EZH1: variants seen among roughly 807,000 people sequenced by gnomAD.
The protein encoded by EZH1 is enhancer of zeste 1 polycomb repressive complex 2 subunit.
EZH1 carries 33 observed loss-of-function variants against 100.5 expected under a neutral mutation model. The observed-to-expected ratio is 0.33, with a 90% CI of 0.25 to 0.44. The LOEUF is 0.44. Ranked by LOEUF, EZH1 falls within the 20% of genes least tolerant of loss-of-function variation. EZH1 has a pLI of 1.00. For synonymous variants in EZH1, 272 were observed against 313.8 expected, an observed-to-expected ratio of 0.87 and a Z score of 1.41; for missense variants, 475 against 928.4, an observed-to-expected ratio of 0.51 and a Z score of 6.35.
intron 5 of EZH1, among the ~76,000 whole-genome samples, chr17:42,723,771 A>G (rs780125436): frequency 6.6e-6 from 1 of 152,236 alleles, no homozygotes; most frequent in Non-Finnish European, 1.5e-5. Context: ...TAGTACGGCT[A>G]TCTGTCACCA....
At position 42,720,599 on chromosome 17, in the gene EZH1, T is replaced by C. The variant is rs1472265692; in HGVS notation, c.488-150A>G. The C allele has an allele frequency of 7.9e-6, 5 of 636,478 alleles. 1 individual carries two copies. The South Asian group carries it at 9.4e-5, about 12-fold the overall frequency. The allele number at this position is 636,478 out of a possible 1,614,324, so 39.4% of individuals were successfully genotyped here. A position where few individuals can be genotyped will look rare whatever the true frequency, so the allele number is the denominator to read the frequency against. ...AGATCAGGAAATTACAATCATTTGA[T>C]TGGCTCCTACACATGCAGTGGGCAG... is the stretch of plus-strand genomic sequence containing the variant. On this transcript the variant is annotated intron_variant, in intron 6 of 20. Coordinates refer to ENST00000428826, the MANE Select transcript of EZH1 (RefSeq NM_001991.5).
At chr17:42,704,555 GAAA>G in intron 18 of EZH1, 44 bp downstream of exon 18, 2 of 1,170,084 alleles carry the variant, frequency 1.7e-6, no homozygotes, top group Non-Finnish European at 2.3e-6. Flanking sequence ...CTCAAAAAAA[GAAA>G]AAAAAAAAAG....
At position 42,724,292 on chromosome 17, in the gene EZH1, T is replaced by C. The variant is rs775201430; in HGVS notation, c.366+13A>G. On this transcript the variant is annotated intron_variant, in intron 5 of 20. Coordinates refer to ENST00000428826, the MANE Select transcript of EZH1 (RefSeq NM_001991.5). Reference sequence around the variant, plus strand: ...ACAGTTTAAATAACCACCACAGTGCTTTCAATACATACCATAAAGTTCTGT... The same window carrying C: ...ACAGTTTAAATAACCACCACAGTGCCTTCAATACATACCATAAAGTTCTGT... 2 of 1,613,384 alleles carry C rather than the reference T, an allele frequency of 1.2e-6. No individual in the cohort carries two copies. Among genetic ancestry groups the C allele is most frequent in the East Asian group, 2.2e-5 (1 of 44,844 alleles).
intron 4 of EZH1, among the ~76,000 whole-genome samples, chr17:42,726,686 G>A (rs996957121): frequency 6.6e-6 from 1 of 151,328 alleles, no homozygotes; most frequent in Non-Finnish European, 1.5e-5. Context: ...TAATTTTTTT[G>A]TACTATTAGT....
At chr17:42,714,393 C>A in intron 10 of EZH1, 1 of 331,168 alleles carries the variant, frequency 3.0e-6, no homozygotes, top group South Asian at 3.0e-5. Flanking sequence ...AATTGATTAC[C>A]TTTATACCAA....
At chr17:42,711,876 G>A (rs1409040887) in intron 12 of EZH1, among the ~76,000 whole-genome samples, 5 of 121,344 alleles carry the variant, frequency 4.1e-5, no homozygotes, top group South Asian at 2.8e-4. Flanking sequence ...AGAGGCTGGC[G>A]GAGTGGTGGA....
chr17:42,724,139 C>T (rs1242838377), intron 5 of EZH1, among the ~76,000 whole-genome samples, 166 bp downstream of exon 5: 2 of 152,186 alleles, frequency 1.3e-5, no homozygotes, highest in Non-Finnish European at 2.9e-5. Flanking sequence ...GTTAGAACAA[C>T]TTGCAATATA....
Position 42,708,074 on chromosome 17 carries a change from G to A in EZH1, c.1544C>T (p.Ser515Phe). The A allele has an allele frequency of 1.2e-6, 2 of 1,606,240 alleles. No individual in the cohort carries two copies. The highest frequency in any genetic ancestry group is 8.5e-7 in the Non-Finnish European group (1 of 1,176,782). Reference protein sequence around the residue: ...RKIQLKKDNSSTQVYNYQPCD... With the variant: ...RKIQLKKDNSFTQVYNYQPCD... The stretch of plus-strand genomic sequence containing the variant: ...GGGTTGGTAGTTGTACACTTGTGTG[G>A]AAGAGTTATCTAGGAAAGAAAACAG... The change falls in exon 15 of 21, where the codon TCC becomes TTC. Residue 515 changes from serine (S) to phenylalanine (F), a missense_variant. This residue lies in a region of EZH1 where 83 missense variants were observed against 142.1 expected (regional missense o/e 0.58). Coordinates refer to ENST00000428826, the MANE Select transcript of EZH1 (RefSeq NM_001991.5).
rs760989999 is a variant in EZH1 at position 42,707,912 on chromosome 17, G to T, written c.1660+46C>A. The T allele has an allele frequency of 4.3e-6, 7 of 1,611,860 alleles. No individual in the cohort carries two copies. The Admixed American group carries it at 6.7e-5, about 15-fold the overall frequency. ...AATGGGGCAAGCCTAGGGCACACTG[G>T]AGCCAACTGTTTTGGTAGACTATAC... On this transcript the variant is annotated intron_variant, in intron 15 of 20. Coordinates refer to ENST00000428826, the MANE Select transcript of EZH1 (RefSeq NM_001991.5).
At chr17:42,727,504 A>G (rs574522254) in intron 4 of EZH1, 131 bp downstream of exon 4, 178 of 1,120,762 alleles carry the variant, frequency 1.6e-4, no homozygotes, top group Middle Eastern at 6.6e-4. Flanking sequence ...CAGCCTCCCA[A>G]ATAGCTGGGA....
In EZH1 at chr17:42,718,044, A is replaced by G; in HGVS notation, c.955T>C (p.Tyr319His). ...TTGATTTCTTTATTCTTGCGTTTAT[A>G]TACATTAGGGGTGGCATGAAAAGCT... is the stretch of plus-strand genomic sequence containing the variant. ...LHPFHATPNV[Y>H]KRKNKEIKIE... Residue 319 changes from tyrosine to histidine, a missense_variant, in exon 10 of 21, where the codon TAT becomes CAT. Physicochemically the swap from Tyr to His is moderately conservative, Grantham distance 83. Transcript: ENST00000428826. This position sits in a 1 kb window ranked among gnomAD's most constrained non-coding sequence, Gnocchi z 4.2. The G allele has an allele frequency of 6.2e-7, 1 of 1,614,164 alleles. No individual in the cohort carries two copies. The highest frequency in any genetic ancestry group is 1.1e-5 in the South Asian group (1 of 91,076).
rs2053777321 is a variant in EZH1, at chr17:42,724,442, A to G, written c.247-18T>C. ...ATGGTACACTGAAATATAAGCAATGACATGGAGAGGGAAAGACGGGCATAT... is the reference window on the plus strand; with the variant it reads ...ATGGTACACTGAAATATAAGCAATGGCATGGAGAGGGAAAGACGGGCATAT... On this transcript the variant is annotated intron_variant, in intron 4 of 20. Transcript: ENST00000428826. 6.2e-7 allele frequency: 1 copy of G among 1,612,256 alleles called. No homozygotes were observed. Among genetic ancestry groups the G allele is most frequent in the Non-Finnish European group, 8.5e-7 (1 of 1,178,760 alleles).
chr17:42,724,419 G>T lies in EZH1; in HGVS notation c.252C>A (p.Thr84=). The T allele has an allele frequency of 6.2e-7, 1 of 1,613,640 alleles. No individual in the cohort carries two copies. Among genetic ancestry groups the T allele is most frequent in the South Asian group, 1.1e-5 (1 of 91,058 alleles). The change falls in exon 5 of 21, where the codon ACC becomes ACA. Residue 84 remains threonine, a synonymous_variant. Transcript: ENST00000428826. The part of the protein sequence containing the change: ...VSGHPFLKKC[T]IESIFPGFAS... Reference sequence around the variant, plus strand: ...CAAATCCCGGGAAAATGCTCTCTATGGTACACTGAAATATAAGCAATGACA... The same window carrying T: ...CAAATCCCGGGAAAATGCTCTCTATTGTACACTGAAATATAAGCAATGACA...
chr17:42,736,274 G>A (rs1243009543), intron 1 of EZH1, among the ~76,000 whole-genome samples: 4 of 152,132 alleles, frequency 2.6e-5, no homozygotes, highest in African/African-American at 9.7e-5. Context: ...AAATAAAGCT[G>A]AATATATACT....
At chr17:42,735,982 C>CA (rs1012756785) in intron 1 of EZH1, among the ~76,000 whole-genome samples, 3,110 of 140,870 alleles carry the variant, frequency 0.022, 98 homozygotes, top group African/African-American at 0.072. Context: ...GACTCCGTCT[C>CA]AAAAAAAAAA....
chr17:42,707,871 C>T, intron 15 of EZH1, 87 bp downstream of exon 15: 1 of 1,518,638 alleles, frequency 6.6e-7, no homozygotes, highest in Non-Finnish European at 9.1e-7. Flanking sequence ...AGGCCATAAG[C>T]AGTAAAGGGC....
At chr17:42,704,705 A>T in intron 17 of EZH1, 22 bp from the exon 18 acceptor site, 3 of 1,604,224 alleles carry the variant, frequency 1.9e-6, no homozygotes, top group Non-Finnish European at 2.6e-6. Context: ...GACAAATAAC[A>T]AATAGGAGTA....
intron 10 of EZH1, among the ~76,000 whole-genome samples, chr17:42,716,015 C>T (rs1200994759): frequency 6.6e-6 from 1 of 150,436 alleles, no homozygotes; most frequent in African/African-American, 2.5e-5. Flanking sequence ...CCATTGCACT[C>T]CAGCCTGGGC....
At chr17:42,709,987 G>A (rs1480834271) in intron 12 of EZH1, 50 bp from the exon 13 acceptor site, 1 of 1,548,342 alleles carries the variant, frequency 6.5e-7, no homozygotes, top group African/African-American at 1.4e-5. Context: ...AGGGGGTCAG[G>A]TAAGTGGCCC....
Sources: gnomAD v4.1 joint callset for allele counts (sites outside exome capture counted in the v4.1 genomes callset) on GRCh38, gnomAD v4.1.1 for gene constraint, gnomAD v4.1.1 regional missense constraint, Gnocchi (gnomAD v3.1) non-coding constraint, MANE v1.5 for transcripts, NCBI Gene and HGNC (gene_info 2026-07-23, HGNC 2026-07-21) for gene names.